The following WDFY3 variants were observed in gnomAD, a reference collection of about 807,000 sequenced individuals.
WDFY3 encodes the protein WD repeat and FYVE domain containing 3, also known as WD repeat and FYVE domain-containing protein 3.
In WDFY3, 66 loss-of-function variants were observed where a neutral mutation model predicts 409.6. The ratio of observed to expected loss-of-function variants is 0.16; its 90% CI spans 0.13 to 0.20. The LOEUF is 0.20. Ranked by LOEUF, WDFY3 falls within the 10% of genes least tolerant of loss-of-function variation. WDFY3 has a pLI of 1.00. For synonymous variants in WDFY3, 1,521 were observed against 1,537.1 expected, an observed-to-expected ratio of 0.99 and a Z score of 0.25; for missense variants, 3,031 against 4,298.1, an observed-to-expected ratio of 0.71 and a Z score of 8.24.
In WDFY3 at chr4:84,803,317, G is replaced by C. The variant is rs774893280; in HGVS notation, c.2580C>G (p.Ala860=). 1.3e-5 allele frequency: 21 copies of C among 1,612,586 alleles called. No individual in the cohort carries two copies. In the African/African-American group the frequency reaches 2.7e-4, roughly 21 times the overall value. ...GAMLAMLDLL[A]SVGSVTQPEH... ...CTGGCTGTGTCACTGACCCAACAGAGGCCAGTAGGTCCAGCATGGCAAGCA... is the reference window on the plus strand; with the variant it reads ...CTGGCTGTGTCACTGACCCAACAGACGCCAGTAGGTCCAGCATGGCAAGCA... The change falls in exon 16 of 68, where the codon GCC becomes GCG. Residue 860 remains alanine (A), a synonymous_variant. Coordinates refer to ENST00000295888, the MANE Select transcript of WDFY3 (RefSeq NM_014991.6).
At chr4:84,916,447 A>AT (rs1276291902) in intron 2 of WDFY3, among the ~76,000 whole-genome samples, 1 of 152,138 alleles carries the variant, frequency 6.6e-6, no homozygotes, top group Admixed American at 6.5e-5. Flanking sequence ...GAATTCACTG[A>AT]TTTTCCTTCC....
At chr4:84,685,515 G>T (rs114860821) in intron 62 of WDFY3, among the ~76,000 whole-genome samples, 1 of 152,302 alleles carries the variant, frequency 6.6e-6, no homozygotes, top group African/African-American at 2.4e-5. Context: ...GTTTTAATTA[G>T]TGGCTTTAGT....
At chr4:84,862,397 GAAGT>G (rs1760770428) in intron 3 of WDFY3, among the ~76,000 whole-genome samples, 2 of 152,178 alleles carry the variant, frequency 1.3e-5, no homozygotes, top group Non-Finnish European at 2.9e-5. Context: ...CAAAATAACA[GAAGT>G]TAGTCCAGTT....
rs141451999 is a variant in WDFY3 at position 84,946,254 on chromosome 4, G to A, written c.-225-13891C>T. Among the ~76,000 whole-genome samples, 321 of 152,306 alleles carry A rather than the reference G, an allele frequency of 2.1e-3. 2 individuals are homozygous for A. Among genetic ancestry groups the A allele is most frequent in the African/African-American group, 7.4e-3 (308 of 41,564 alleles). Reference sequence around the variant, plus strand: ...ACAGGTTAGGGCTTTGTGCTCAGATGTAAAACTAAGGACTGTGGCCACCAT... The same window carrying A: ...ACAGGTTAGGGCTTTGTGCTCAGATATAAAACTAAGGACTGTGGCCACCAT... On this transcript the variant is annotated intron_variant, in intron 1 of 67. Transcript: ENST00000295888.
rs971156042 is a variant in WDFY3, at chr4:84,929,473, C to A, written c.-132+2797G>T. Among the ~76,000 whole-genome samples, 7 of 150,908 alleles carry A rather than the reference C, an allele frequency of 4.6e-5. No individual in the cohort carries two copies. The East Asian group carries it at 9.9e-4, about 21-fold the overall frequency. On this transcript the variant is annotated intron_variant, in intron 2 of 67. Transcript: ENST00000295888. Reference sequence around the variant, plus strand: ...TAGGGCAATAGATTGAATTGCGCCCCCCCCCCCAAATTCATACGTTGAAAT... The same window carrying A: ...TAGGGCAATAGATTGAATTGCGCCCACCCCCCCAAATTCATACGTTGAAAT...
Position 84,809,918 on chromosome 4 carries a change from G to A in WDFY3, c.2314C>T (p.Leu772Phe), listed in dbSNP as rs760284167. 4.3e-6 allele frequency: 7 copies of A among 1,614,014 alleles called. No individual in the cohort carries two copies. Among genetic ancestry groups the A allele is most frequent in the African/African-American group, 1.3e-5 (1 of 75,020 alleles). Reference sequence around the variant, plus strand: ...AAAGAATCTGTGGCTACTTTGTAAAGATAAATAAAAAGTTTACTGCAGTGC... The same window carrying A: ...AAAGAATCTGTGGCTACTTTGTAAAAATAAATAAAAAGTTTACTGCAGTGC... Reference protein sequence around the residue: ...LRHCSKLFIYLYKVATDSFDS... With the variant: ...LRHCSKLFIYFYKVATDSFDS... Residue 772 changes from leucine to phenylalanine, a missense_variant, in exon 14 of 68, where the codon CTT becomes TTT. Transcript: ENST00000295888.
chr4:84,724,323 T>TAAAGTTGGCCCTACTATTTATAG, intron 46 of WDFY3, 103 bp downstream of exon 46: 1 of 1,320,192 alleles, frequency 7.6e-7, no homozygotes, highest in Non-Finnish European at 1.0e-6. Context: ...TGGATATTTT[T>TAAAGTTGGCCCTACTATTTATAG]AAAGTTGGCC....
intron 6 of WDFY3, among the ~76,000 whole-genome samples, chr4:84,840,526 G>C (rs547410160): frequency 1.3e-5 from 2 of 152,186 alleles, no homozygotes; most frequent in South Asian, 4.2e-4. Context: ...TGAGCTACTT[G>C]CCACCAGCCA....
rs745593542 is a variant in WDFY3 at position 84,736,125 on chromosome 4, T to C, written c.6915+45A>G. ...TTGCTTGTACATGTTAAGTATATTATACAAAATACTACAACTAATATCAGC... is the reference window on the plus strand; with the variant it reads ...TTGCTTGTACATGTTAAGTATATTACACAAAATACTACAACTAATATCAGC... On this transcript the variant is annotated intron_variant, in intron 42 of 67. Transcript: ENST00000295888. 34 of 1,571,524 alleles carry C rather than the reference T, an allele frequency of 2.2e-5. No homozygotes were observed. In the African/African-American group the frequency reaches 2.6e-4, roughly 12 times the overall value.
intron 3 of WDFY3, among the ~76,000 whole-genome samples, chr4:84,876,883 C>G (rs1016956362): frequency 6.6e-6 from 1 of 152,112 alleles, no homozygotes; most frequent in South Asian, 2.1e-4. Context: ...GGACATCTTA[C>G]GTATCTCCTG....
intron 3 of WDFY3, among the ~76,000 whole-genome samples, chr4:84,885,719 G>T (rs558782870): frequency 5.3e-5 from 8 of 152,176 alleles, no homozygotes; most frequent in African/African-American, 1.9e-4. Flanking sequence ...AAAATGCCAC[G>T]TTGCACCTAA....
At chr4:84,911,314 CCT>C (rs1767747046) in intron 2 of WDFY3, among the ~76,000 whole-genome samples, 1 of 152,000 alleles carries the variant, frequency 6.6e-6, no homozygotes, top group Non-Finnish European at 1.5e-5. Flanking sequence ...TAGTGAGACC[CCT>C]GCCTCTACAA....
chr4:84,854,636 A>G (rs868515648), intron 4 of WDFY3, among the ~76,000 whole-genome samples: 1 of 152,126 alleles, frequency 6.6e-6, no homozygotes, highest in African/African-American at 2.4e-5. Context: ...TAGGCCAGGT[A>G]TGGTGGCTCA....
At chr4:84,907,738 T>C (rs931607258) in intron 2 of WDFY3, among the ~76,000 whole-genome samples, 5 of 129,058 alleles carry the variant, frequency 3.9e-5, no homozygotes, top group Admixed American at 3.4e-4. Flanking sequence ...CTGTGCCTAC[T>C]ATGGCCCAGT....
intron 3 of WDFY3, among the ~76,000 whole-genome samples, chr4:84,865,809 C>A (rs905604835): frequency 6.6e-6 from 1 of 152,190 alleles, no homozygotes; most frequent in Non-Finnish European, 1.5e-5. Context: ...GTAGCTCACA[C>A]CTGAAATTCC....
At position 84,801,746 on chromosome 4, in the gene WDFY3, C is replaced by T; in HGVS notation, c.2726G>A (p.Ser909Asn). ...GLHARLLQRC[S>N]AALADEDHSL... ...GTGGTCCTCATCAGCCAATGCAGCA[C>T]TGCACCTCTGCAGCAGTCGTGCATG... Residue 909 changes from serine to asparagine, a missense_variant, in exon 17 of 68, where the codon AGT becomes AAT. Ser to Asn is a conservative substitution (Grantham distance 46). Around this residue, in one of 16 missense-constraint regions of WDFY3, gnomAD observed 1,322 missense variants for 1,697.9 expected, o/e 0.78. Transcript: ENST00000295888. 1 of 1,613,936 alleles carries T rather than the reference C, an allele frequency of 6.2e-7. No homozygotes were observed. Among genetic ancestry groups the T allele is most frequent in the Non-Finnish European group, 8.5e-7 (1 of 1,180,006 alleles).
rs1226698679 is a variant in WDFY3, at chr4:84,693,136, CTA to C, written c.8902-106_8902-105del. 10 of 1,169,350 alleles carry C rather than the reference CTA, an allele frequency of 8.6e-6. No individual in the cohort carries two copies. In the East Asian group the frequency reaches 2.5e-4, roughly 29 times the overall value. 72.4% of individuals were successfully genotyped at this position (1,169,350 alleles called of 1,614,324 possible). On this transcript the variant is annotated intron_variant, in intron 58 of 67. Transcript: ENST00000295888. ...TTATTTCAATTAAGGTTCACAAGAA[CTA>C]TTAGGTACTATATTATCCTCATTTT... is the stretch of plus-strand genomic sequence containing the variant.
chr4:84,881,429 C>T (rs777027082), intron 3 of WDFY3, among the ~76,000 whole-genome samples: 22 of 152,134 alleles, frequency 1.4e-4, no homozygotes, highest in Admixed American at 5.2e-4. Flanking sequence ...ACGGCCACAT[C>T]TTGGGCAAAT....
chr4:84,942,274 G>T (rs1285171023), intron 1 of WDFY3, among the ~76,000 whole-genome samples: 1 of 151,960 alleles, frequency 6.6e-6, no homozygotes, highest in East Asian at 1.9e-4. Flanking sequence ...AAAACTGGGA[G>T]AAAGTATTTG....
Sources: gnomAD v4.1 joint callset for allele counts (sites outside exome capture counted in the v4.1 genomes callset) on GRCh38, gnomAD v4.1.1 for gene constraint, gnomAD v4.1.1 regional missense constraint, MANE v1.5 for transcripts, NCBI Gene and HGNC (gene_info 2026-07-23, HGNC 2026-07-21) for gene names.